The following BOP1 variants were observed in gnomAD, a reference collection of about 807,000 sequenced individuals.
BOP1 encodes the protein BOP1 ribosomal biogenesis factor, also known as ribosome biogenesis protein BOP1.
A neutral mutation model predicts 82.9 loss-of-function variants in BOP1; 54 were observed. The observed-to-expected ratio is 0.65, with a 90% confidence interval of 0.52 to 0.82. The LOEUF (loss-of-function observed/expected upper bound fraction) is 0.82, where lower values mean the gene tolerates loss of function less well. Among genes scored for constraint, BOP1 ranks in the 40% least tolerant of loss-of-function variants. The pLI is 0.00. For synonymous variants in BOP1, 566 were observed against 451.1 expected, an observed-to-expected ratio of 1.25 and a Z score of -3.23; for missense variants, 1,170 against 1,072.0, an observed-to-expected ratio of 1.09 and a Z score of -1.28.
chr8:144,277,322 G>T (rs1845582845), intron 2 of BOP1, among the ~76,000 whole-genome samples: 1 of 152,226 alleles, frequency 6.6e-6, no homozygotes, highest in Non-Finnish European at 1.5e-5. Flanking sequence ...GTGGCCTGGG[G>T]CGCTCAGTGA....
At chr8:144,282,774 A>G (rs1193109978) in intron 2 of BOP1, among the ~76,000 whole-genome samples, 1 of 152,036 alleles carries the variant, frequency 6.6e-6, no homozygotes, top group Non-Finnish European at 1.5e-5. Flanking sequence ...TGAGCTCCTC[A>G]TGCCAACAGT....
At chr8:144,278,736 C>T (rs868919331) in intron 2 of BOP1, among the ~76,000 whole-genome samples, 10 of 152,282 alleles carry the variant, frequency 6.6e-5, no homozygotes, top group East Asian at 1.9e-4. Context: ...CACCTCAGCA[C>T]GGCCAAGGCT....
At chr8:144,290,446 C>G (rs538733109) in intron 1 of BOP1, among the ~76,000 whole-genome samples, 1 of 152,208 alleles carries the variant, frequency 6.6e-6, no homozygotes, top group African/African-American at 2.4e-5. Flanking sequence ...ACAAGTCTCA[C>G]TTAAGGTACG....
rs1845312000 is a variant in BOP1 at position 144,264,523 on chromosome 8, TCTC to T, written c.754_756del (p.Glu252del). The T allele has an allele frequency of 6.2e-7, 1 of 1,609,978 alleles. No individual in the cohort carries two copies. Among genetic ancestry groups the T allele is most frequent in the Non-Finnish European group, 8.5e-7 (1 of 1,178,956 alleles). ...GGGGCTGTGTGCCCCACCTTCTCCTTCTCCACCAGGGAGGGGATGAAGCTGCGC... is the reference window on the plus strand; with the variant it reads ...GGGGCTGTGTGCCCCACCTTCTCCTTCACCAGGGAGGGGATGAAGCTGCGC... On this transcript the variant is annotated inframe_deletion, in exon 6 of 16. Coordinates refer to ENST00000569669, the MANE Select transcript of BOP1 (RefSeq NM_015201.5).
intron 3 of BOP1, among the ~76,000 whole-genome samples, chr8:144,271,375 T>A (rs1845489768): frequency 6.6e-6 from 1 of 151,664 alleles, no homozygotes; most frequent in East Asian, 1.9e-4. Context: ...TCCTTCACTC[T>A]CTCCTCGTTC....
intron 3 of BOP1, among the ~76,000 whole-genome samples, chr8:144,269,933 C>G (rs112411771): frequency 1.3e-5 from 2 of 152,164 alleles, no homozygotes; most frequent in African/African-American, 4.8e-5. Flanking sequence ...ACGGCGCCCA[C>G]GCCAGCCCTC....
Position 144,262,327 on chromosome 8 carries a change from C to A in BOP1, c.2088-10G>T, listed in dbSNP as rs1271117974. On this transcript the variant is annotated splice_polypyrimidine_tract_variant and intron_variant, in intron 15 of 15. Transcript: ENST00000569669. ...GTTCTGCAGAAGGTCACTGTGGGGA[C>A]GAGGAGGGCTCAGGGCACGGCCAGA... is the stretch of plus-strand genomic sequence containing the variant. 2 of 1,612,674 alleles carry A rather than the reference C, an allele frequency of 1.2e-6. No homozygotes were observed. The highest frequency in any genetic ancestry group is 1.3e-5 in the African/African-American group (1 of 74,968).
Position 144,289,168 on chromosome 8 carries a change from T to C in BOP1, c.236A>G (p.Glu79Gly). 6.2e-7 allele frequency: 1 copy of C among 1,614,166 alleles called. No individual in the cohort carries two copies. The highest frequency in any genetic ancestry group is 8.5e-7 in the Non-Finnish European group (1 of 1,180,026). Residue 79 changes from glutamate (E) to glycine (G), a missense_variant, in exon 2 of 16, where the codon GAG (glutamate) becomes GGG (glycine). Glu to Gly is a moderately conservative substitution (Grantham distance 98, BLOSUM62 -2). Transcript: ENST00000569669. Reference sequence around the variant, plus strand: ...ATCAAGGGCTCCGTCCTCTCCCTCCTCGTCGCCTTCGTCATCATCCTCACT... The same window carrying C: ...ATCAAGGGCTCCGTCCTCTCCCTCCCCGTCGCCTTCGTCATCATCCTCACT... ...DSSEDDDEGD[E>G]EGEDGALDDE... is the part of the protein sequence containing the mutation.
At chr8:144,271,030 T>C (rs977810661) in intron 3 of BOP1, among the ~76,000 whole-genome samples, 1 of 151,690 alleles carries the variant, frequency 6.6e-6, no homozygotes, top group Non-Finnish European at 1.5e-5. Flanking sequence ...ACCTGCGGGC[T>C]GCCAGGAAAC....
At chr8:144,278,437 C>T (rs1554838566) in intron 2 of BOP1, among the ~76,000 whole-genome samples, 1 of 152,240 alleles carries the variant, frequency 6.6e-6, no homozygotes, top group Non-Finnish European at 1.5e-5. Context: ...CAGAGCCTCC[C>T]CTCCCCAGCA....
chr8:144,289,285 G>A lies in BOP1; in HGVS notation c.119C>T (p.Ser40Phe). 6.2e-7 allele frequency: 1 copy of A among 1,614,008 alleles called. No individual in the cohort carries two copies. Among genetic ancestry groups the A allele is most frequent in the South Asian group, 1.1e-5 (1 of 91,082 alleles). ...GCTGCCGGTGCTGTGGCTGAGAGGAGAGGTGCAGAGGAGGGGGGGCTGCAA... is the reference window on the plus strand; with the variant it reads ...GCTGCCGGTGCTGTGGCTGAGAGGAAAGGTGCAGAGGAGGGGGGGCTGCAA... ...PEPEPPLLCT[S>F]PLSHSTGSDS... Residue 40 changes from serine (S) to phenylalanine (F), a missense_variant, in exon 2 of 16, where the codon TCT (serine) becomes TTT (phenylalanine). Physicochemically the swap from Ser to Phe is radical, Grantham distance 155. Transcript: ENST00000569669.
At chr8:144,276,122 T>C in intron 3 of BOP1, 102 bp downstream of exon 3, 1 of 1,388,046 alleles carries the variant, frequency 7.2e-7, no homozygotes. Flanking sequence ...CTGCGGCAGG[T>C]CCCAGCACCC....
intron 2 of BOP1, chr8:144,281,603 A>ATACCAGGTCTTTGGCCTTCTCTCACTTTC (rs1845684485): frequency 6.9e-5 from 7 of 101,902 alleles, no homozygotes; most frequent in African/African-American, 1.1e-4. Context: ...CTCTCACTTT[A>ATACCAGGTCTTTGGCCTTCTCTCACTTTC]ATACCAGGTC....
intron 3 of BOP1, among the ~76,000 whole-genome samples, chr8:144,271,381 C>T (rs1405469134): frequency 6.6e-6 from 1 of 152,084 alleles, no homozygotes; most frequent in Non-Finnish European, 1.5e-5. Context: ...ACTCTCTCCT[C>T]GTTCCGCCTC....
chr8:144,267,026 G>A (rs1359358299), intron 3 of BOP1: 9 of 1,519,834 alleles, frequency 5.9e-6, no homozygotes, highest in East Asian at 2.8e-5. Flanking sequence ...GAGGCCTGCG[G>A]CGACGGACAG....
chr8:144,268,471 T>TATC, intron 3 of BOP1: 1 of 479,822 alleles, frequency 2.1e-6, no homozygotes, highest in Non-Finnish European at 3.7e-6. Context: ...AACAAAACAG[T>TATC]ATCTTCCAAA....
chr8:144,267,953 C>T, intron 3 of BOP1: 1 of 1,233,214 alleles, frequency 8.1e-7, no homozygotes, highest in Admixed American at 2.0e-5. Flanking sequence ...GTATGCTCCC[C>T]TCCCCAAAAC....
At chr8:144,267,652 G>A (rs1193311151) in intron 3 of BOP1, among the ~76,000 whole-genome samples, 3 of 152,168 alleles carry the variant, frequency 2.0e-5, no homozygotes, top group African/African-American at 4.8e-5. Flanking sequence ...CACCTAGGCC[G>A]CACACCAAGA....
Position 144,263,792 on chromosome 8 carries a change from C to G in BOP1, c.1222-31G>C, listed in dbSNP as rs1039744160. On this transcript the variant is annotated intron_variant, in intron 9 of 15. Transcript: ENST00000569669. ...GAGGCGGCGGCAGTGAGGAGTCAGACTGGGAGGGTGCAACCCCAGCCCCCT... is the reference window on the plus strand; with the variant it reads ...GAGGCGGCGGCAGTGAGGAGTCAGAGTGGGAGGGTGCAACCCCAGCCCCCT... 2,283 of 1,605,140 alleles carry G rather than the reference C, an allele frequency of 1.4e-3. 26 individuals carry two copies. The African/African-American group carries it at 0.027, about 19-fold the overall frequency.
Sources: allele counts gnomAD v4.1 joint callset (sites outside exome capture counted in the v4.1 genomes callset), GRCh38; gene constraint gnomAD v4.1.1; transcripts MANE v1.5; gene names NCBI Gene and HGNC (gene_info 2026-07-23, HGNC 2026-07-21).